The following UNC5D variants were observed in gnomAD, a reference collection of about 807,000 sequenced individuals.
UNC5D encodes unc-5 netrin receptor D.
In UNC5D, 39 loss-of-function variants were observed where a neutral mutation model predicts 105.4. The observed-to-expected ratio is 0.37, with a 90% CI of 0.29 to 0.48. The LOEUF is 0.48. Among genes scored for constraint, UNC5D ranks in the 20% least tolerant of loss-of-function variants. UNC5D has a pLI of 0.98. For synonymous variants in UNC5D, 452 were observed against 450.4 expected (o/e 1.00, Z -0.04); for missense variants, 991 against 1,202.4 (o/e 0.82, Z 2.60).
chr8:35,289,326 T>C (rs578244534), intron 1 of UNC5D, among the ~76,000 whole-genome samples: 2 of 152,346 alleles, frequency 1.3e-5, no homozygotes, highest in Admixed American at 6.5e-5. Flanking sequence ...TAAATATATG[T>C]GCACTAAACA....
At chr8:35,490,516 C>G (rs889682133) in intron 1 of UNC5D, among the ~76,000 whole-genome samples, 1 of 151,766 alleles carries the variant, frequency 6.6e-6, no homozygotes, top group Admixed American at 6.6e-5. Flanking sequence ...AGAGCAAGAC[C>G]CTATCTCTTA....
intron 1 of UNC5D, among the ~76,000 whole-genome samples, chr8:35,493,178 C>T (rs1811321744): frequency 6.8e-6 from 1 of 147,652 alleles, no homozygotes; most frequent in Non-Finnish European, 1.5e-5. Context: ...AAGCACTTTA[C>T]TTTGGGGCGG....
chr8:35,427,799 A>G (rs746278357), intron 1 of UNC5D, among the ~76,000 whole-genome samples: 10 of 152,178 alleles, frequency 6.6e-5, no homozygotes, highest in Non-Finnish European at 1.2e-4. Flanking sequence ...AATCAGTATG[A>G]TCAAAAGAAA....
At chr8:35,757,098 G>T (rs989316450) in intron 13 of UNC5D, among the ~76,000 whole-genome samples, 1 of 151,942 alleles carries the variant, frequency 6.6e-6, no homozygotes, top group Non-Finnish European at 1.5e-5. Flanking sequence ...CCCAGGTAAG[G>T]AACTGAAGTC....
intron 7 of UNC5D, among the ~76,000 whole-genome samples, chr8:35,700,747 C>A (rs1184817992): frequency 1.3e-5 from 2 of 152,134 alleles, no homozygotes; most frequent in African/African-American, 4.8e-5. Flanking sequence ...GAAACTAATT[C>A]ATATCTGGCA....
At chr8:35,670,900 G>A (rs891479518) in intron 4 of UNC5D, among the ~76,000 whole-genome samples, 1 of 151,926 alleles carries the variant, frequency 6.6e-6, no homozygotes, top group Non-Finnish European at 1.5e-5. Context: ...TGAATATGTT[G>A]GCATATTTAA....
Position 35,796,480 on chromosome 8 carries a change from A to G in UNC5D, c.*5917A>G, listed in dbSNP as rs1402318153. 1 of 151,730 alleles carries G rather than the reference A, an allele frequency of 6.6e-6. No individual in the cohort carries two copies. The highest frequency in any genetic ancestry group is 2.4e-5 in the African/African-American group (1 of 41,278). The allele number at this position is 151,730 out of a possible 1,614,324, so 9.4% of individuals were successfully genotyped here. A position where few individuals can be genotyped will look rare whatever the true frequency, so the allele number is the denominator to read the frequency against. Reference sequence around the variant, plus strand: ...GGATGGTTGCAGACTTTTCAAGATAAATGTACAGACGTAAATTACTGCATA... The same window carrying G: ...GGATGGTTGCAGACTTTTCAAGATAGATGTACAGACGTAAATTACTGCATA... On this transcript the variant is annotated 3_prime_UTR_variant, in exon 17 of 17. Transcript: ENST00000404895.
intron 1 of UNC5D, among the ~76,000 whole-genome samples, chr8:35,408,629 G>A (rs1301915858): frequency 6.6e-6 from 1 of 151,638 alleles, no homozygotes; most frequent in African/African-American, 2.4e-5. Flanking sequence ...TGTGGGAACC[G>A]GAAGGGGTAT....
At chr8:35,717,797 A>G (rs1828338773) in intron 8 of UNC5D, among the ~76,000 whole-genome samples, 1 of 152,236 alleles carries the variant, frequency 6.6e-6, no homozygotes, top group African/African-American at 2.4e-5. Flanking sequence ...TTCATCATAA[A>G]TGAATGGTCA....
intron 4 of UNC5D, among the ~76,000 whole-genome samples, chr8:35,636,031 G>T (rs1337135475): frequency 2.6e-5 from 4 of 152,132 alleles, no homozygotes; most frequent in African/African-American, 9.7e-5. Flanking sequence ...CTGAGAGGTG[G>T]TATAGAAGGA....
At chr8:35,430,908 G>A (rs902695112) in intron 1 of UNC5D, among the ~76,000 whole-genome samples, 5 of 152,150 alleles carry the variant, frequency 3.3e-5, no homozygotes, top group Non-Finnish European at 7.4e-5. Context: ...ACACACACAT[G>A]CATGCATGCA....
intron 1 of UNC5D, among the ~76,000 whole-genome samples, chr8:35,436,890 A>T (rs1323134038): frequency 6.6e-6 from 1 of 152,084 alleles, no homozygotes; most frequent in African/African-American, 2.4e-5. Flanking sequence ...TTGCTATATG[A>T]TTCTATATTT....
At chr8:35,285,368 T>TA (rs1806517657) in intron 1 of UNC5D, among the ~76,000 whole-genome samples, 1 of 152,234 alleles carries the variant, frequency 6.6e-6, no homozygotes, top group Non-Finnish European at 1.5e-5. Flanking sequence ...ATTTGGAAGA[T>TA]AACCGTTGTC....
chr8:35,779,572 C>A (rs1802409867), intron 16 of UNC5D, among the ~76,000 whole-genome samples: 1 of 152,170 alleles, frequency 6.6e-6, no homozygotes, highest in Admixed American at 6.5e-5. Flanking sequence ...GATTCTCCTG[C>A]CTCAGCCTCC....
chr8:35,338,681 TC>T (rs960697539), intron 1 of UNC5D, among the ~76,000 whole-genome samples: 1 of 152,174 alleles, frequency 6.6e-6, no homozygotes, highest in African/African-American at 2.4e-5. Context: ...GTGCTTTTCT[TC>T]CTGGCTCACT....
At chr8:35,650,117 A>C (rs542220395) in intron 4 of UNC5D, among the ~76,000 whole-genome samples, 1 of 150,036 alleles carries the variant, frequency 6.7e-6, no homozygotes, top group East Asian at 1.9e-4. Context: ...TTGAAACTAC[A>C]AAAAACAAAC....
chr8:35,569,927 AC>A (rs34798962), intron 3 of UNC5D, among the ~76,000 whole-genome samples: 26,992 of 151,774 alleles, frequency 0.18, 2,523 homozygotes, highest in East Asian at 0.27. Flanking sequence ...GGCCCACATG[AC>A]CTATACTCTG....
chr8:35,712,574 A>G (rs958735223), intron 8 of UNC5D, among the ~76,000 whole-genome samples: 6 of 152,186 alleles, frequency 3.9e-5, no homozygotes, highest in African/African-American at 1.4e-4. Context: ...AAAAGTAGGT[A>G]TGCTCTTCTC....
intron 2 of UNC5D, among the ~76,000 whole-genome samples, chr8:35,552,961 T>C (rs1390044492): frequency 6.6e-6 from 1 of 152,162 alleles, no homozygotes; most frequent in Non-Finnish European, 1.5e-5. Flanking sequence ...TTAGTACAAC[T>C]AAAAAGGACT....
Sources: gnomAD v4.1 joint callset for allele counts (sites outside exome capture counted in the v4.1 genomes callset) on GRCh38, gnomAD v4.1.1 for gene constraint, MANE v1.5 for transcripts, NCBI Gene and HGNC (gene_info 2026-07-23, HGNC 2026-07-21) for gene names.